Variants in TANGO6 observed in about 807,000 individuals in gnomAD.
The protein encoded by TANGO6 is transport and golgi organization 6 homolog.
TANGO6 carries 90 observed loss-of-function variants against 114.2 expected under a neutral mutation model. That is an observed-to-expected ratio of 0.79 (90% CI 0.66 to 0.94). TANGO6 has a LOEUF of 0.94. TANGO6 is among the 40% of genes least tolerant of loss of function. TANGO6 has a pLI of 0.00. For missense variants in TANGO6, 1,274 were observed against 1,315.3 expected (o/e 0.97, Z 0.49); for synonymous variants, 477 against 509.8 (o/e 0.94, Z 0.87).
At chr16:68,850,292 A>G (rs974490574) in intron 1 of TANGO6, among the ~76,000 whole-genome samples, 4 of 151,756 alleles carry the variant, frequency 2.6e-5, no homozygotes, top group Admixed American at 6.6e-5. Context: ...CTTTTATCCT[A>G]TATTTTATAT....
At chr16:68,932,338 G>T (rs770719905) in intron 14 of TANGO6, among the ~76,000 whole-genome samples, 13 of 149,696 alleles carry the variant, frequency 8.7e-5, no homozygotes, top group African/African-American at 1.7e-4. Flanking sequence ...TGATCCACCC[G>T]CCTCGGCCTC....
intron 15 of TANGO6, among the ~76,000 whole-genome samples, chr16:68,992,856 G>A (rs1963958040): frequency 6.6e-6 from 1 of 152,114 alleles, no homozygotes; most frequent in African/African-American, 2.4e-5. Flanking sequence ...ACCACCTGAG[G>A]TCAGGAGTTC....
intron 12 of TANGO6, among the ~76,000 whole-genome samples, chr16:68,921,684 A>T (rs533407147): frequency 1.2e-4 from 17 of 144,888 alleles, no homozygotes; most frequent in Admixed American, 7.8e-4. Context: ...TGTAAGATAG[A>T]TCACAAAAAT....
chr16:68,957,008 G>A (rs1963536294), intron 14 of TANGO6, among the ~76,000 whole-genome samples: 1 of 152,112 alleles, frequency 6.6e-6, no homozygotes, highest in East Asian at 1.9e-4. Flanking sequence ...GTCTATAAGA[G>A]TCTTGCAGAA....
chr16:68,938,945 A>G (rs1397160675), intron 14 of TANGO6, among the ~76,000 whole-genome samples: 2 of 151,510 alleles, frequency 1.3e-5, no homozygotes, highest in Non-Finnish European at 1.5e-5. Context: ...GGTGGCTCAC[A>G]CCTGTAACCC....
At chr16:68,913,404 A>ATTT (rs769117351) in intron 11 of TANGO6, among the ~76,000 whole-genome samples, 8 of 122,514 alleles carry the variant, frequency 6.5e-5, no homozygotes, top group Admixed American at 8.7e-5. Flanking sequence ...AAAATTATTA[A>ATTT]TTTTTTTTTT....
At chr16:69,029,648 C>T (rs577300677) in intron 16 of TANGO6, among the ~76,000 whole-genome samples, 11 of 152,126 alleles carry the variant, frequency 7.2e-5, no homozygotes, top group South Asian at 6.2e-4. Flanking sequence ...TAGTCTTAGG[C>T]GGTGGGGCCG....
chr16:68,912,348 A>G (rs1390617411), intron 11 of TANGO6, among the ~76,000 whole-genome samples: 2 of 151,954 alleles, frequency 1.3e-5, no homozygotes, highest in African/African-American at 2.4e-5. Flanking sequence ...AAATACAAAA[A>G]CTAGACCGGG....
intron 17 of TANGO6, among the ~76,000 whole-genome samples, chr16:69,078,849 C>T (rs749008041): frequency 6.6e-6 from 1 of 152,090 alleles, no homozygotes; most frequent in Non-Finnish European, 1.5e-5. Flanking sequence ...TCCAGTGATT[C>T]TCCCATCTCA....
chr16:68,942,902 ATTT>A lies in TANGO6; in HGVS notation c.2701+12622_2701+12624del, dbSNP rs527605851. ...TTTTATTTCATTTATTTAATTTTTAATTTTTTTTTTTTTTTTTGAGACAGGGTC... is the reference window on the plus strand; with the variant it reads ...TTTTATTTCATTTATTTAATTTTTAATTTTTTTTTTTTTTGAGACAGGGTC... On this transcript the variant is annotated intron_variant, in intron 14 of 17. Coordinates refer to ENST00000261778, the MANE Select transcript of TANGO6 (RefSeq NM_024562.2). 2.1e-5 allele frequency among the ~76,000 whole-genome samples: 3 copies of A among 143,150 alleles called. No homozygotes were observed. The Admixed American group carries it at 2.1e-4, about 10-fold the overall frequency. The allele number at this position is 143,150 out of a possible 152,430, so 93.9% of individuals were successfully genotyped here.
chr16:68,998,958 C>T (rs906530112), intron 15 of TANGO6, among the ~76,000 whole-genome samples: 2 of 151,928 alleles, frequency 1.3e-5, no homozygotes, highest in Non-Finnish European at 2.9e-5. Flanking sequence ...TCTTGGCTCA[C>T]TGCAGCCTCA....
rs947615042 is a variant in TANGO6 at position 69,083,658 on chromosome 16, G to C, written c.3282G>C (p.Pro1094=). The C allele has an allele frequency of 1.9e-6, 3 of 1,556,472 alleles. No homozygotes were observed. In the East Asian group the frequency reaches 7.2e-5, roughly 38 times the overall value. The change falls in exon 18 of 18, where the codon CCG becomes CCC. Residue 1094 remains proline (P), a synonymous_variant. Transcript: ENST00000261778. ...TGGAGAAGAAGATCATGGTCCTGCC[G>C]TAGACCTGGCTCCAAGGACGTGGAG... is the stretch of plus-strand genomic sequence containing the variant. The part of the protein sequence containing the change: ...QKLEKKIMVL[P]
chr16:68,962,797 A>G (rs2152209466), intron 14 of TANGO6, among the ~76,000 whole-genome samples: 1 of 151,820 alleles, frequency 6.6e-6, no homozygotes, highest in Non-Finnish European at 1.5e-5. Flanking sequence ...GAGTCAAAAA[A>G]GCGGCCGGGC....
At chr16:68,862,345 C>T (rs1962106071) in intron 2 of TANGO6, among the ~76,000 whole-genome samples, 1 of 152,186 alleles carries the variant, frequency 6.6e-6, no homozygotes, top group Admixed American at 6.6e-5. Flanking sequence ...TACAGGCACA[C>T]ACCACCACGC....
intron 7 of TANGO6, among the ~76,000 whole-genome samples, chr16:68,891,841 G>A (rs1962625660): frequency 8.3e-6 from 1 of 120,082 alleles, no homozygotes; most frequent in Non-Finnish European, 1.7e-5. Flanking sequence ...GAGGGAAAGG[G>A]AAAGAAAAGG....
At chr16:68,876,757 G>A (rs574117576) in intron 5 of TANGO6, among the ~76,000 whole-genome samples, 6 of 152,128 alleles carry the variant, frequency 3.9e-5, no homozygotes, top group Admixed American at 2.0e-4. Flanking sequence ...GGAGGCAGAC[G>A]TTGCAGTGAG....
At chr16:68,917,088 G>A (rs1159750132) in intron 11 of TANGO6, among the ~76,000 whole-genome samples, 8 of 151,936 alleles carry the variant, frequency 5.3e-5, no homozygotes, top group African/African-American at 9.7e-5. Flanking sequence ...TCCTCACCCC[G>A]GCAACCCTTG....
chr16:68,875,785 G>T, intron 5 of TANGO6, among the ~76,000 whole-genome samples: 1 of 144,920 alleles, frequency 6.9e-6, no homozygotes. Flanking sequence ...AAAAAAAAAA[G>T]AATGCCTCAC....
chr16:68,956,981 G>A (rs1963536000), intron 14 of TANGO6, among the ~76,000 whole-genome samples: 1 of 152,152 alleles, frequency 6.6e-6, no homozygotes, highest in Non-Finnish European at 1.5e-5. Context: ...AATTTAAAAT[G>A]TTTCTATACC....
Sources: allele counts gnomAD v4.1 joint callset (sites outside exome capture counted in the v4.1 genomes callset), GRCh38; gene constraint gnomAD v4.1.1; transcripts MANE v1.5; gene names NCBI Gene and HGNC (gene_info 2026-07-23, HGNC 2026-07-21).